The following RMND1 variants were observed in gnomAD, a reference collection of about 807,000 sequenced individuals.
RMND1 encodes the protein required for meiotic nuclear division protein 1 homolog.
RMND1 carries 41 observed loss-of-function variants against 54.0 expected under a neutral mutation model. The ratio of observed to expected loss-of-function variants is 0.76; its 90% CI spans 0.59 to 0.98. RMND1 has a LOEUF of 0.98. Among genes scored for constraint, RMND1 ranks in the 50% least tolerant of loss-of-function variants. The probability of loss-of-function intolerance (pLI) is 0.00; values close to 1 mark genes in which losing one functional copy is unlikely to be tolerated. For synonymous variants in RMND1, 183 were observed against 181.7 expected, an observed-to-expected ratio of 1.01 and a Z score of -0.06; for missense variants, 457 against 532.0, an observed-to-expected ratio of 0.86 and a Z score of 1.39.
Position 151,414,244 on chromosome 6 carries a change from T to A in RMND1, c.1200+3035A>T, listed in dbSNP as rs544340179. Among the ~76,000 whole-genome samples the A allele has an allele frequency of 6.3e-3, 950 of 151,782 alleles. 2 individuals carry two copies. Among genetic ancestry groups the A allele is most frequent in the Non-Finnish European group, 0.01 (684 of 67,934 alleles). Reference sequence around the variant, plus strand: ...TGCCATTATACCTGGCTAATTTTTTTAAAAAAAAGGTTAGTAGAAATGAGG... The same window carrying A: ...TGCCATTATACCTGGCTAATTTTTTAAAAAAAAAGGTTAGTAGAAATGAGG... On this transcript the variant is annotated intron_variant, in intron 10 of 11. Transcript: ENST00000444024.
At chr6:151,439,112 C>T (rs534924935) in intron 2 of RMND1, among the ~76,000 whole-genome samples, 2 of 152,168 alleles carry the variant, frequency 1.3e-5, no homozygotes, top group East Asian at 3.9e-4. Flanking sequence ...CCGTTTCAAA[C>T]AAAAACAAAA....
At chr6:151,435,074 C>T (rs542347915) in intron 3 of RMND1, among the ~76,000 whole-genome samples, 88 of 151,996 alleles carry the variant, frequency 5.8e-4, no homozygotes, top group African/African-American at 2.0e-3. Context: ...GTCTGAAACT[C>T]CTGACCTCAG....
intron 4 of RMND1, 59 bp from the exon 5 acceptor site, chr6:151,430,236 C>G (rs1780415256): frequency 4.1e-6 from 5 of 1,225,890 alleles, no homozygotes; most frequent in African/African-American, 3.0e-5. Context: ...TCTTTAGGGT[C>G]GTATATAAAA....
At chr6:151,430,017 C>A in intron 5 of RMND1, 121 bp downstream of exon 5, 1 of 646,582 alleles carries the variant, frequency 1.5e-6, no homozygotes, top group Non-Finnish European at 2.8e-6. Context: ...TCATGTAATG[C>A]AGAGCAAATA....
At chr6:151,445,158 G>T in intron 2 of RMND1, 150 bp downstream of exon 2, 2 of 693,494 alleles carry the variant, frequency 2.9e-6, no homozygotes, top group Non-Finnish European at 4.6e-6. Flanking sequence ...GAATCCCTTT[G>T]GATATTTATT....
chr6:151,443,000 G>A (rs1780827555), intron 2 of RMND1, among the ~76,000 whole-genome samples: 1 of 152,162 alleles, frequency 6.6e-6, no homozygotes, highest in Non-Finnish European at 1.5e-5. Flanking sequence ...CTGAAAAGAT[G>A]AGCTGGGTGC....
At chr6:151,414,504 T>C (rs1265094448) in intron 10 of RMND1, among the ~76,000 whole-genome samples, 1 of 152,128 alleles carries the variant, frequency 6.6e-6, no homozygotes, top group Non-Finnish European at 1.5e-5. Context: ...TATTATTAGA[T>C]GATGTTAGAG....
At chr6:151,447,694 C>T (rs769654814) in intron 1 of RMND1, among the ~76,000 whole-genome samples, 3 of 152,090 alleles carry the variant, frequency 2.0e-5, no homozygotes, top group Non-Finnish European at 4.4e-5. Flanking sequence ...TACTGTAGTT[C>T]ACCTTTAATT....
intron 3 of RMND1, among the ~76,000 whole-genome samples, chr6:151,434,379 T>C (rs1426163629): frequency 6.6e-6 from 1 of 151,726 alleles, no homozygotes; most frequent in Non-Finnish European, 1.5e-5. Context: ...GGCTGGGTGA[T>C]GGGCAATTCA....
At chr6:151,436,603 T>C (rs768517856) in intron 2 of RMND1, 49 bp from the exon 3 acceptor site, 1 of 1,599,282 alleles carries the variant, frequency 6.3e-7, no homozygotes, top group Non-Finnish European at 8.5e-7. Flanking sequence ...GGCTGAAGCA[T>C]CTGTGACGGC....
At chr6:151,410,452 G>A (rs1779796174) in intron 10 of RMND1, among the ~76,000 whole-genome samples, 1 of 152,114 alleles carries the variant, frequency 6.6e-6, no homozygotes. Context: ...GCACTATGCT[G>A]AGCCTAAGGC....
chr6:151,427,638 T>C, intron 5 of RMND1, 56 bp from the exon 6 acceptor site: 1 of 1,110,654 alleles, frequency 9.0e-7, no homozygotes, highest in South Asian at 1.3e-5. Flanking sequence ...AGTTCAAGTA[T>C]GTTATGATTT....
At chr6:151,411,417 T>C (rs996317974) in intron 10 of RMND1, 5 of 152,318 alleles carry the variant, frequency 3.3e-5, no homozygotes, top group African/African-American at 9.7e-5. Flanking sequence ...CACAGAGGTA[T>C]AGATGTGAAC....
intron 1 of RMND1, among the ~76,000 whole-genome samples, chr6:151,451,197 A>AT (rs1491162292): frequency 5.0e-4 from 53 of 105,320 alleles, no homozygotes; most frequent in Non-Finnish European, 4.9e-4. Context: ...AGAATGATCA[A>AT]TAAAAAAAAA....
At chr6:151,436,424 C>A in intron 3 of RMND1, 22 bp downstream of exon 3, 2 of 1,612,892 alleles carry the variant, frequency 1.2e-6, no homozygotes, top group Non-Finnish European at 1.7e-6. Context: ...ACATACTTGG[C>A]CCCAGGTTCA....
rs1369802234 is a variant in RMND1, at chr6:151,405,249, G to A, written c.1336C>T (p.Arg446Ter). Reference protein sequence around the residue: ...ITIEVMFELGRVFF With the variant: ...ITIEVMFELG ...TTATCACTTGATCAGAAAAATACTCGTCCCAGCTCAAACATTACCTTAGAA... is the reference window on the plus strand; with the variant it reads ...TTATCACTTGATCAGAAAAATACTCATCCCAGCTCAAACATTACCTTAGAA... Residue 446 changes from arginine to a stop codon, truncating the protein, a stop_gained, in exon 12 of 12, where the codon CGA becomes TGA. Coordinates refer to ENST00000444024, the MANE Select transcript of RMND1 (RefSeq NM_017909.4). LOFTEE classifies it high-confidence loss of function. The A allele has an allele frequency of 2.6e-5, 42 of 1,612,576 alleles. No homozygotes were observed. The highest frequency in any genetic ancestry group is 3.2e-5 in the Non-Finnish European group (38 of 1,178,884).
chr6:151,438,792 C>T (rs1582964841), intron 2 of RMND1, among the ~76,000 whole-genome samples: 2 of 147,490 alleles, frequency 1.4e-5, no homozygotes, highest in East Asian at 3.9e-4. Flanking sequence ...AGAATGTGTA[C>T]TACTTTTTTT....
chr6:151,442,911 C>G (rs1245667492), intron 2 of RMND1, among the ~76,000 whole-genome samples: 1 of 151,948 alleles, frequency 6.6e-6, no homozygotes, highest in Non-Finnish European at 1.5e-5. Context: ...AAAATGAGAC[C>G]AGGTAAAGAT....
At position 151,445,553 on chromosome 6, in the gene RMND1, G is replaced by C. The variant is rs777640793; in HGVS notation, c.259C>G (p.Arg87Gly). ...AGGTGTGCCTTTTCATCTTGGCAAC[G>C]AGCAGCATTTAATGGAGACAGCATG... ...TSMLSPLNAA[R>G]CQDEKAHLPT... The change falls in exon 2 of 12, where the codon CGT (arginine) becomes GGT (glycine). Residue 87 changes from arginine to glycine, a missense_variant. Physicochemically the swap from Arg to Gly is moderately radical, Grantham distance 125. Coordinates refer to ENST00000444024, the MANE Select transcript of RMND1 (RefSeq NM_017909.4). 5.6e-6 allele frequency: 9 copies of C among 1,614,046 alleles called. No homozygotes were observed. The highest frequency in any genetic ancestry group is 2.7e-5 in the African/African-American group (2 of 74,906).
Sources: allele counts gnomAD v4.1 joint callset (sites outside exome capture counted in the v4.1 genomes callset), GRCh38; gene constraint gnomAD v4.1.1; transcripts MANE v1.5; gene names NCBI Gene and HGNC (gene_info 2026-07-23, HGNC 2026-07-21).